The following CCDC88A variants were observed in gnomAD, a reference collection of about 807,000 sequenced individuals.
CCDC88A encodes girdin.
CCDC88A carries 54 observed loss-of-function variants against 234.3 expected under a neutral mutation model. The ratio of observed to expected loss-of-function variants is 0.23; its 90% confidence interval spans 0.19 to 0.29. CCDC88A has a LOEUF of 0.29. Among genes scored for constraint, CCDC88A ranks in the 10% least tolerant of loss-of-function variants. CCDC88A has a pLI of 1.00. For missense variants in CCDC88A, 1,832 were observed against 2,123.4 expected, an observed-to-expected ratio of 0.86 and a Z score of 2.70; for synonymous variants, 753 against 737.8, an observed-to-expected ratio of 1.02 and a Z score of -0.33.
chr2:55,360,177 G>A (rs1450071770), intron 7 of CCDC88A, among the ~76,000 whole-genome samples: 2 of 152,088 alleles, frequency 1.3e-5, no homozygotes, highest in African/African-American at 4.8e-5. Flanking sequence ...AAAAGGAGAG[G>A]ACTGAAGACA....
chr2:55,366,053 C>T (rs976066773), intron 5 of CCDC88A, among the ~76,000 whole-genome samples: 1 of 152,154 alleles, frequency 6.6e-6, no homozygotes, highest in Non-Finnish European at 1.5e-5. Flanking sequence ...AGATATATAG[C>T]TTAATACCAG....
intron 31 of CCDC88A, 83 bp from the exon 32 acceptor site, chr2:55,291,858 A>G: frequency 9.9e-7 from 1 of 1,015,158 alleles, no homozygotes; most frequent in Non-Finnish European, 1.5e-6. Flanking sequence ...ACTCTCACTG[A>G]GTAGGGCAAG....
chr2:55,362,026 A>G, intron 7 of CCDC88A: 1 of 242,800 alleles, frequency 4.1e-6, no homozygotes, highest in Non-Finnish European at 7.8e-6. Flanking sequence ...ACACTTTTGT[A>G]TTGTTGCCAA....
At chr2:55,355,071 T>A (rs1457694150) in intron 8 of CCDC88A, among the ~76,000 whole-genome samples, 2 of 151,500 alleles carry the variant, frequency 1.3e-5, no homozygotes, top group African/African-American at 4.9e-5. Flanking sequence ...TGTCGTTATG[T>A]GGCACATGAC....
At chr2:55,312,177 T>C (rs546883848) in intron 23 of CCDC88A, among the ~76,000 whole-genome samples, 1 of 152,214 alleles carries the variant, frequency 6.6e-6, no homozygotes, top group African/African-American at 2.4e-5. Flanking sequence ...GCCTCCTACA[T>C]ATACTTCCAT....
intron 8 of CCDC88A, among the ~76,000 whole-genome samples, chr2:55,353,704 G>T (rs1166228123): frequency 8.0e-6 from 1 of 125,100 alleles, no homozygotes; most frequent in Middle Eastern, 5.1e-3. Flanking sequence ...TCTTTTAAAA[G>T]TACAAAATAA....
intron 10 of CCDC88A, among the ~76,000 whole-genome samples, chr2:55,345,120 T>C (rs553491038): frequency 2.0e-5 from 3 of 152,296 alleles, no homozygotes; most frequent in Admixed American, 2.0e-4. Context: ...AGAAAAAGTA[T>C]ACTAAGACAG....
chr2:55,375,257 A>G (rs1232364627), intron 3 of CCDC88A, among the ~76,000 whole-genome samples: 1 of 151,920 alleles, frequency 6.6e-6, no homozygotes, highest in Non-Finnish European at 1.5e-5. Flanking sequence ...GATGTCCCCA[A>G]ATTAAAGCAT....
intron 22 of CCDC88A, chr2:55,314,120 C>CTG (rs1459130499): frequency 6.6e-6 from 1 of 152,166 alleles, no homozygotes; most frequent in African/African-American, 2.4e-5. Flanking sequence ...CTCTCAGAGC[C>CTG]CTGCTGGAGG....
intron 3 of CCDC88A, among the ~76,000 whole-genome samples, chr2:55,387,724 G>A (rs1675901632): frequency 7.0e-6 from 1 of 142,226 alleles, no homozygotes; most frequent in African/African-American, 2.7e-5. Context: ...AGAGGTTGCA[G>A]TGAGATGAGA....
At chr2:55,400,897 A>G (rs1380955630) in intron 2 of CCDC88A, among the ~76,000 whole-genome samples, 3 of 152,236 alleles carry the variant, frequency 2.0e-5, no homozygotes, top group Admixed American at 6.5e-5. Flanking sequence ...ATAAAATAAC[A>G]TAACTATGTA....
At chr2:55,369,181 C>T (rs1189087056) in intron 5 of CCDC88A, among the ~76,000 whole-genome samples, 3 of 151,964 alleles carry the variant, frequency 2.0e-5, no homozygotes, top group Non-Finnish European at 4.4e-5. Flanking sequence ...ATTACAGATG[C>T]CCACTACCAC....
Position 55,317,137 on chromosome 2 carries a change from A to G in CCDC88A, c.3746+69T>C. On this transcript the variant is annotated intron_variant, in intron 21 of 32. Coordinates refer to ENST00000436346, the MANE Select transcript of CCDC88A (RefSeq NM_001365480.1). The surrounding 1 kb of genome is among the most constrained non-coding windows in gnomAD (Gnocchi z 4.2). Reference sequence around the variant, plus strand: ...ATAATACATAATTTTGAAAAAACATATATATACACATATATATGTATATAC... The same window carrying G: ...ATAATACATAATTTTGAAAAAACATGTATATACACATATATATGTATATAC... The G allele has an allele frequency of 1.7e-6, 1 of 592,118 alleles. No homozygotes were observed. The highest frequency in any genetic ancestry group is 2.5e-6 in the Non-Finnish European group (1 of 402,684). 36.7% of individuals were successfully genotyped at this position (592,118 alleles called of 1,614,324 possible).
At chr2:55,365,910 T>C (rs1273213067) in intron 5 of CCDC88A, among the ~76,000 whole-genome samples, 1 of 152,208 alleles carries the variant, frequency 6.6e-6, no homozygotes. Flanking sequence ...ACCTGAAATG[T>C]AGCTAGTGCA....
chr2:55,368,379 G>T (rs1255666475), intron 5 of CCDC88A, among the ~76,000 whole-genome samples: 1 of 151,932 alleles, frequency 6.6e-6, no homozygotes, highest in Non-Finnish European at 1.5e-5. Flanking sequence ...TTCCTCTTAA[G>T]AATTTCATTT....
intron 8 of CCDC88A, among the ~76,000 whole-genome samples, chr2:55,352,230 G>T (rs1669976893): frequency 6.6e-6 from 1 of 152,070 alleles, no homozygotes; most frequent in African/African-American, 2.4e-5. Flanking sequence ...GGGAGCTCAA[G>T]ACCAGCCTAA....
At chr2:55,322,903 T>C (rs1034258916) in intron 17 of CCDC88A, 9 of 359,706 alleles carry the variant, frequency 2.5e-5, no homozygotes, top group Non-Finnish European at 2.5e-5. Context: ...GCCAGAGTAA[T>C]AGTCATGTCA....
rs1334497100 is a variant in CCDC88A at position 55,309,900 on chromosome 2, T to C, written c.4080-646A>G. On this transcript the variant is annotated intron_variant, in intron 23 of 32. Transcript: ENST00000436346. This position sits in a 1 kb window ranked among gnomAD's most constrained non-coding sequence, Gnocchi z 5.1. The stretch of plus-strand genomic sequence containing the variant: ...TAAATTAATATAATAACATATAATA[T>C]TGTGTGTGTGTATATATATAAAATG... Among the ~76,000 whole-genome samples, 2 of 151,980 alleles carry C rather than the reference T, an allele frequency of 1.3e-5. No individual in the cohort carries two copies. Among genetic ancestry groups the C allele is most frequent in the African/African-American group, 4.8e-5 (2 of 41,368 alleles).
chr2:55,294,446 A>G, intron 31 of CCDC88A: 1 of 874,198 alleles, frequency 1.1e-6, no homozygotes, highest in Non-Finnish European at 1.4e-6. Flanking sequence ...AAAATGTTTT[A>G]TAAATATGGG....
Sources: allele counts gnomAD v4.1 joint callset (sites outside exome capture counted in the v4.1 genomes callset), GRCh38; gene constraint gnomAD v4.1.1; non-coding constraint Gnocchi (gnomAD v3.1); transcripts MANE v1.5; gene names NCBI Gene and HGNC (gene_info 2026-07-23, HGNC 2026-07-21).